IKZF1: variants seen among roughly 807,000 people sequenced by gnomAD.
IKZF1 encodes IKAROS family zinc finger 1.
IKZF1 carries 10 observed loss-of-function variants against 51.7 expected under a neutral mutation model. The observed-to-expected ratio is 0.19, with a 90% confidence interval of 0.12 to 0.33. The LOEUF (loss-of-function observed/expected upper bound fraction) is 0.33. Ranked by LOEUF, IKZF1 falls within the 10% of genes least tolerant of loss-of-function variation. The pLI, the probability that IKZF1 is intolerant of heterozygous loss-of-function variation, is 1.00. For missense variants in IKZF1, 484 were observed against 707.5 expected (o/e 0.68, Z 3.58); for synonymous variants, 280 against 282.3 (o/e 0.99, Z 0.08).
At chr7:50,343,771 A>AT (rs906315725) in intron 3 of IKZF1, among the ~76,000 whole-genome samples, 2 of 152,110 alleles carry the variant, frequency 1.3e-5, no homozygotes, top group Non-Finnish European at 2.9e-5. Context: ...GAGAATCCGC[A>AT]TTTTTTTCAT....
At chr7:50,351,883 T>A (rs1801948457) in intron 3 of IKZF1, among the ~76,000 whole-genome samples, 1 of 151,394 alleles carries the variant, frequency 6.6e-6, no homozygotes, top group African/African-American at 2.4e-5. Flanking sequence ...CATGCCAAGA[T>A]TCTTTAAAGA....
intron 4 of IKZF1, among the ~76,000 whole-genome samples, chr7:50,379,074 T>C (rs965261206): frequency 1.3e-5 from 2 of 152,192 alleles, no homozygotes; most frequent in Admixed American, 1.3e-4. Context: ...AGCATGTAAA[T>C]CACCTGAGAT....
chr7:50,346,518 A>G (rs1406010588), intron 3 of IKZF1, among the ~76,000 whole-genome samples: 1 of 152,250 alleles, frequency 6.6e-6, no homozygotes, highest in African/African-American at 2.4e-5. Context: ...TTTCCTCAGC[A>G]TATGATGAAA....
Position 50,402,987 on chromosome 7 carries a change from C to A in IKZF1, c.*2360C>A. ...TTCACCTACTCTGTTCTTTTCCATC[C>A]ATCCCCCTGAGTCAGTTGGTTGAAG... On this transcript the variant is annotated 3_prime_UTR_variant, in exon 8 of 8. Transcript: ENST00000331340. 1 of 227,180 alleles carries A rather than the reference C, an allele frequency of 4.4e-6. No homozygotes were observed. Among genetic ancestry groups the A allele is most frequent in the Non-Finnish European group, 8.8e-6 (1 of 114,194 alleles). The allele number at this position is 227,180 out of a possible 1,614,324, so 14.1% of individuals were successfully genotyped here. A position where few individuals can be genotyped will look rare whatever the true frequency, so the allele number is the denominator to read the frequency against.
chr7:50,400,884 G>A lies in IKZF1; in HGVS notation c.*257G>A. 4 of 522,644 alleles carry A rather than the reference G, an allele frequency of 7.7e-6. No homozygotes were observed. The highest frequency in any genetic ancestry group is 1.3e-5 in the Non-Finnish European group (4 of 297,036). The allele number at this position is 522,644 out of a possible 1,614,324, so 32.4% of individuals were successfully genotyped here. Reference sequence around the variant, plus strand: ...ACCTTCCTAGATGTTTCCCCAGACCGCTGGCTGAGATTCCCTCACCTGTCG... The same window carrying A: ...ACCTTCCTAGATGTTTCCCCAGACCACTGGCTGAGATTCCCTCACCTGTCG... On this transcript the variant is annotated 3_prime_UTR_variant, in exon 8 of 8. Coordinates refer to ENST00000331340, the MANE Select transcript of IKZF1 (RefSeq NM_006060.6). The surrounding 1 kb of genome is among the most constrained non-coding windows in gnomAD (Gnocchi z 5.4).
chr7:50,309,437 C>T (rs1411375982), intron 1 of IKZF1, among the ~76,000 whole-genome samples: 1 of 152,108 alleles, frequency 6.6e-6, no homozygotes, highest in African/African-American at 2.4e-5. Flanking sequence ...CTCCATTTGC[C>T]TTGCCTTTCC....
Position 50,400,698 on chromosome 7 carries a change from T to C in IKZF1, c.*71T>C, listed in dbSNP as rs1178002105. Reference sequence around the variant, plus strand: ...AGCACAAGGACTGCCGCCTTCTCGCTCCCGCCAGCAGCATAGACTGGACTG... The same window carrying C: ...AGCACAAGGACTGCCGCCTTCTCGCCCCCGCCAGCAGCATAGACTGGACTG... On this transcript the variant is annotated 3_prime_UTR_variant, in exon 8 of 8. Transcript: ENST00000331340. The surrounding 1 kb of genome is among the most constrained non-coding windows in gnomAD (Gnocchi z 5.4). 1 of 1,503,694 alleles carries C rather than the reference T, an allele frequency of 6.7e-7. No homozygotes were observed. Among genetic ancestry groups the C allele is most frequent in the Non-Finnish European group, 8.9e-7 (1 of 1,118,572 alleles). The allele number at this position is 1,503,694 out of a possible 1,614,324, so 93.1% of individuals were successfully genotyped here.
chr7:50,391,582 G>A lies in IKZF1; in HGVS notation c.716-147G>A, dbSNP rs568580753. 25 of 1,242,706 alleles carry A rather than the reference G, an allele frequency of 2.0e-5. No individual in the cohort carries two copies. The Admixed American group carries it at 6.1e-4, about 30-fold the overall frequency. 77.0% of individuals were successfully genotyped at this position (1,242,706 alleles called of 1,614,324 possible). The stretch of plus-strand genomic sequence containing the variant: ...TTGCTCCGGCTGCCTCTGCCTGTCT[G>A]GAAGTGTTGCTGGGAAGATTAGAAT... On this transcript the variant is annotated intron_variant, in intron 6 of 7. Transcript: ENST00000331340.
chr7:50,370,989 A>C (rs1808494606), intron 3 of IKZF1, among the ~76,000 whole-genome samples: 1 of 152,220 alleles, frequency 6.6e-6, no homozygotes, highest in African/African-American at 2.4e-5. Flanking sequence ...GGGCACGGCC[A>C]GGCAACTCGG....
chr7:50,304,226 C>A (rs1253454893), upstream of IKZF1: 1 of 150,270 alleles, frequency 6.7e-6, no homozygotes, highest in Non-Finnish European at 1.5e-5. Flanking sequence ...GCGGCTGAGA[C>A]GCGCGCCGCG....
chr7:50,360,208 C>T (rs1321819754), intron 3 of IKZF1, among the ~76,000 whole-genome samples: 1 of 151,950 alleles, frequency 6.6e-6, no homozygotes, highest in Non-Finnish European at 1.5e-5. Flanking sequence ...GATTACTTAT[C>T]TCTGGCCTCC....
chr7:50,397,916 G>A (rs1249430799), intron 7 of IKZF1, among the ~76,000 whole-genome samples: 3 of 152,072 alleles, frequency 2.0e-5, no homozygotes, highest in South Asian at 2.1e-4. Context: ...AGATGAAAAC[G>A]AATGGAAACC....
intron 3 of IKZF1, among the ~76,000 whole-genome samples, chr7:50,351,003 T>A (rs961324545): frequency 6.6e-6 from 1 of 152,246 alleles, no homozygotes; most frequent in African/African-American, 2.4e-5. Context: ...GAGGTTTATA[T>A]TTTAACACAG....
At chr7:50,343,946 G>GT (rs1799723025) in intron 3 of IKZF1, among the ~76,000 whole-genome samples, 1 of 152,164 alleles carries the variant, frequency 6.6e-6, no homozygotes. Context: ...GAGGAATGCT[G>GT]TTTTTTTGTT....
intron 6 of IKZF1, 144 bp downstream of exon 6, chr7:50,387,614 T>G: frequency 3.4e-3 from 3,499 of 1,024,022 alleles, no homozygotes; most frequent in Non-Finnish European, 4.1e-3. Context: ...TTTTGGCCAA[T>G]AGCATCAGTT....
chr7:50,351,486 A>G lies in IKZF1; in HGVS notation c.160+23729A>G, dbSNP rs554850082. On this transcript the variant is annotated intron_variant, in intron 3 of 7. Transcript: ENST00000331340. Reference sequence around the variant, plus strand: ...CCCTGGAAGCAGTCACACCAACCTCATTTACCCCACCTGAGATTTGTGCGC... The same window carrying G: ...CCCTGGAAGCAGTCACACCAACCTCGTTTACCCCACCTGAGATTTGTGCGC... 7.2e-5 allele frequency among the ~76,000 whole-genome samples: 11 copies of G among 152,238 alleles called. No homozygotes were observed. In the South Asian group the frequency reaches 2.3e-3, roughly 32 times the overall value.
chr7:50,327,782 G>C, intron 3 of IKZF1, 25 bp downstream of exon 3: 2 of 1,585,208 alleles, frequency 1.3e-6, no homozygotes, highest in South Asian at 1.2e-5. Flanking sequence ...AGCGGCCTCT[G>C]TGCCTGTGAA....
chr7:50,369,460 T>C (rs1201441971), intron 3 of IKZF1: 10 of 398,466 alleles, frequency 2.5e-5, no homozygotes, highest in Non-Finnish European at 4.4e-5. Context: ...GCTTTCTGTC[T>C]ATATTTATGC....
intron 3 of IKZF1, chr7:50,369,398 AATGTT>A (rs1807972368): frequency 9.1e-5 from 36 of 397,026 alleles, no homozygotes; most frequent in Non-Finnish European, 4.4e-6. Flanking sequence ...AAGATGTGTT[AATGTT>A]ATGATAGTTA....
Sources: gnomAD v4.1 joint callset for allele counts (sites outside exome capture counted in the v4.1 genomes callset) on GRCh38, gnomAD v4.1.1 for gene constraint, Gnocchi (gnomAD v3.1) non-coding constraint, MANE v1.5 for transcripts, NCBI Gene and HGNC (gene_info 2026-07-23, HGNC 2026-07-21) for gene names.